RAB22A: variants seen among roughly 807,000 people sequenced by gnomAD.
RAB22A encodes ras-related protein Rab-22A.
In RAB22A, 13 loss-of-function variants were observed where a neutral mutation model predicts 30.2. The ratio of observed to expected loss-of-function variants is 0.43; its 90% CI spans 0.28 to 0.68. RAB22A has a LOEUF of 0.68. Ranked by LOEUF, RAB22A falls within the 30% of genes least tolerant of loss-of-function variation. RAB22A has a pLI of 0.18. For synonymous variants in RAB22A, 89 were observed against 87.2 expected (o/e 1.02, Z -0.11); for missense variants, 177 against 246.8 (o/e 0.72, Z 1.89).
chr20:58,331,723 T>C lies in RAB22A; in HGVS notation c.117-11995T>C, dbSNP rs138688466. Among the ~76,000 whole-genome samples the C allele has an allele frequency of 7.6e-4, 116 of 152,304 alleles. 1 individual carries two copies. The highest frequency in any genetic ancestry group is 2.6e-3 in the African/African-American group (110 of 41,558). ...GGTTCTCCTTTCTACCTCTTGGGGC[T>C]TCCTCCTTCTTGTGTTTCTTGGCTT... On this transcript the variant is annotated intron_variant, in intron 2 of 6. Transcript: ENST00000244040.
In RAB22A at chr20:58,327,135, C is replaced by CA. The variant is rs1039738124; in HGVS notation, c.116+16020dup. ...TAGTGAGACCCTGTCTCCAAAAAAA[C>CA]AAAAAAATTGAATAGGTCTTGAATT... On this transcript the variant is annotated intron_variant, in intron 2 of 6. Transcript: ENST00000244040. Among the ~76,000 whole-genome samples, 7 of 151,892 alleles carry CA rather than the reference C, an allele frequency of 4.6e-5. No individual in the cohort carries two copies. In the East Asian group the frequency reaches 5.8e-4, roughly 13 times the overall value.
At chr20:58,329,398 A>T (rs506435) in intron 2 of RAB22A, among the ~76,000 whole-genome samples, 18,976 of 152,088 alleles carry the variant, frequency 0.12, 1,531 homozygotes, top group Non-Finnish European at 0.18. Flanking sequence ...TAGATTTCAG[A>T]TGTTTTTTCT....
intron 2 of RAB22A, among the ~76,000 whole-genome samples, chr20:58,316,797 ATC>A (rs1986349011): frequency 1.3e-5 from 2 of 152,106 alleles, no homozygotes; most frequent in South Asian, 2.1e-4. Context: ...AGAGGCTTGG[ATC>A]TCTCCTCCTC....
At chr20:58,345,041 G>A (rs549972254) in intron 3 of RAB22A, among the ~76,000 whole-genome samples, 1 of 152,078 alleles carries the variant, frequency 6.6e-6, no homozygotes, top group Non-Finnish European at 1.5e-5. Flanking sequence ...GAAGTGTGTC[G>A]CTTACCAGAA....
In RAB22A at chr20:58,361,689, C is replaced by A. The variant is rs943518844; in HGVS notation, c.*1986C>A. 1.1e-4 allele frequency: 17 copies of A among 152,208 alleles called. No homozygotes were observed. The highest frequency in any genetic ancestry group is 3.9e-4 in the African/African-American group (16 of 41,438). The allele number at this position is 152,208 out of a possible 1,614,324, so 9.4% of individuals were successfully genotyped here. A position where few individuals can be genotyped will look rare whatever the true frequency, so the allele number is the denominator to read the frequency against. On this transcript the variant is annotated 3_prime_UTR_variant, in exon 7 of 7. Coordinates refer to ENST00000244040, the MANE Select transcript of RAB22A (RefSeq NM_020673.3). ...ATTCCCACTGCTGGGCCTCTATCTCCATGACAACAAAATAAAAACAGAGGT... is the reference window on the plus strand; with the variant it reads ...ATTCCCACTGCTGGGCCTCTATCTCAATGACAACAAAATAAAAACAGAGGT...
rs765167599 is a variant in RAB22A at position 58,360,213 on chromosome 20, T to G, written c.*510T>G. The G allele has an allele frequency of 1.3e-5, 2 of 152,514 alleles. No homozygotes were observed. Among genetic ancestry groups the G allele is most frequent in the African/African-American group, 2.4e-5 (1 of 41,382 alleles). 9.4% of individuals were successfully genotyped at this position (152,514 alleles called of 1,614,324 possible). Reference sequence around the variant, plus strand: ...AGCTAAAATGGGTTATTTATAGGACTGATGGAAATGATTTCATCTCTGCCA... The same window carrying G: ...AGCTAAAATGGGTTATTTATAGGACGGATGGAAATGATTTCATCTCTGCCA... On this transcript the variant is annotated 3_prime_UTR_variant, in exon 7 of 7. Coordinates refer to ENST00000244040, the MANE Select transcript of RAB22A (RefSeq NM_020673.3).
chr20:58,356,904 T>C (rs914841300), intron 6 of RAB22A, among the ~76,000 whole-genome samples: 6 of 152,190 alleles, frequency 3.9e-5, no homozygotes, highest in Non-Finnish European at 7.4e-5. Flanking sequence ...AATATAATTA[T>C]CCATTCTGCT....
At position 58,309,834 on chromosome 20, in the gene RAB22A, C is replaced by T. The variant is rs933524334; in HGVS notation, c.-143C>T. 5 of 762,980 alleles carry T rather than the reference C, an allele frequency of 6.6e-6. 1 individual carries two copies. Among genetic ancestry groups the T allele is most frequent in the Admixed American group, 4.5e-5 (1 of 22,412 alleles). 47.3% of individuals were successfully genotyped at this position (762,980 alleles called of 1,614,324 possible). On this transcript the variant is annotated 5_prime_UTR_variant, in exon 1 of 7. Transcript: ENST00000244040. The stretch of plus-strand genomic sequence containing the variant: ...GCAGCGGACAGGCCGGACCTACGGC[C>T]GGAGGACGGGCGGCAGCCGCCTCTG...
chr20:58,350,558 G>A (rs78255153), intron 3 of RAB22A, among the ~76,000 whole-genome samples: 7,849 of 152,202 alleles, frequency 0.052, 267 homozygotes, highest in South Asian at 0.11. Flanking sequence ...TAAAAGACAC[G>A]TAAACAGGAG....
chr20:58,353,718 T>C lies in RAB22A; in HGVS notation c.377+180T>C, dbSNP rs8123334. 6.7e-3 allele frequency among the ~76,000 whole-genome samples: 1,018 copies of C among 152,314 alleles called. 15 individuals carry two copies. The highest frequency in any genetic ancestry group is 0.023 in the African/African-American group (943 of 41,552). Reference sequence around the variant, plus strand: ...TAAGATTTCAGGCATTTGGAGCTAATTATATTATGTATACAGACAGGTGTG... The same window carrying C: ...TAAGATTTCAGGCATTTGGAGCTAACTATATTATGTATACAGACAGGTGTG... On this transcript the variant is annotated intron_variant, in intron 5 of 6. Coordinates refer to ENST00000244040, the MANE Select transcript of RAB22A (RefSeq NM_020673.3).
At chr20:58,357,033 T>C (rs1319568354) in intron 6 of RAB22A, among the ~76,000 whole-genome samples, 2 of 152,236 alleles carry the variant, frequency 1.3e-5, no homozygotes, top group African/African-American at 2.4e-5. Context: ...GGTATATTTA[T>C]ACCCACAAGA....
chr20:58,311,068 T>G lies in RAB22A; in HGVS notation c.62T>G (p.Ile21Ser). ...LGDTGVGKSS[I>S]VWRFVEDSFD... ...GATACAGGTGTAGGTAAATCGAGTA[T>G]TGTGTGGCGGTTTGTGGAAGACAGT... is the stretch of plus-strand genomic sequence containing the variant. The change falls in exon 2 of 7, where the codon ATT (isoleucine) becomes AGT (serine). Residue 21 changes from isoleucine (I) to serine (S), a missense_variant. By Grantham distance (142) the Ile-to-Ser change is moderately radical. Coordinates refer to ENST00000244040, the MANE Select transcript of RAB22A (RefSeq NM_020673.3). The G allele has an allele frequency of 1.2e-6, 2 of 1,606,864 alleles. No individual in the cohort carries two copies. The highest frequency in any genetic ancestry group is 1.7e-6 in the Non-Finnish European group (2 of 1,173,372).
intron 3 of RAB22A, among the ~76,000 whole-genome samples, chr20:58,349,768 T>C (rs554048168): frequency 6.6e-6 from 1 of 152,234 alleles, no homozygotes; most frequent in African/African-American, 2.4e-5. Context: ...CACCAGTAAC[T>C]TAATACTCTT....
intron 1 of RAB22A, 66 bp from the exon 2 acceptor site, chr20:58,310,976 CA>C (rs1986214203): frequency 7.7e-7 from 1 of 1,293,782 alleles, no homozygotes. Flanking sequence ...ACTTATGCCA[CA>C]AAGTAGTTTT....
At chr20:58,315,708 C>T (rs1210158515) in intron 2 of RAB22A, among the ~76,000 whole-genome samples, 1 of 152,026 alleles carries the variant, frequency 6.6e-6, no homozygotes, top group African/African-American at 2.4e-5. Context: ...ACCCCCAGCC[C>T]AATCCCCAAA....
intron 2 of RAB22A, among the ~76,000 whole-genome samples, chr20:58,323,801 CT>C (rs1288214244): frequency 1.3e-5 from 2 of 150,678 alleles, no homozygotes; most frequent in Non-Finnish European, 3.0e-5. Flanking sequence ...TTGCTGGGAT[CT>C]TTGATTTTTT....
chr20:58,338,083 A>G (rs1195889082), intron 2 of RAB22A, among the ~76,000 whole-genome samples: 2 of 151,442 alleles, frequency 1.3e-5, no homozygotes, highest in South Asian at 2.1e-4. Context: ...CTGGAGTGCT[A>G]TGGCGCAATC....
At chr20:58,313,638 C>A (rs1463165009) in intron 2 of RAB22A, among the ~76,000 whole-genome samples, 2 of 152,300 alleles carry the variant, frequency 1.3e-5, no homozygotes, top group East Asian at 3.9e-4. Context: ...AACCACCTTC[C>A]CCTGGTACCA....
Position 58,362,742 on chromosome 20 carries a change from G to C in RAB22A, c.*3039G>C, listed in dbSNP as rs1360368299. On this transcript the variant is annotated 3_prime_UTR_variant, in exon 7 of 7. Coordinates refer to ENST00000244040, the MANE Select transcript of RAB22A (RefSeq NM_020673.3). Reference sequence around the variant, plus strand: ...TCAGAATAAGTTTTACACGAAGCAGGTGAAAGATTTAGTTCTTTTCAAAGT... The same window carrying C: ...TCAGAATAAGTTTTACACGAAGCAGCTGAAAGATTTAGTTCTTTTCAAAGT... The C allele has an allele frequency of 1.3e-5, 2 of 152,336 alleles. No homozygotes were observed. Among genetic ancestry groups the C allele is most frequent in the Admixed American group, 6.5e-5 (1 of 15,306 alleles). The allele number at this position is 152,336 out of a possible 1,614,324, so 9.4% of individuals were successfully genotyped here. A position where few individuals can be genotyped will look rare whatever the true frequency, so the allele number is the denominator to read the frequency against.
Sources: gnomAD v4.1 joint callset for allele counts (sites outside exome capture counted in the v4.1 genomes callset) on GRCh38, gnomAD v4.1.1 for gene constraint, MANE v1.5 for transcripts, NCBI Gene and HGNC (gene_info 2026-07-23, HGNC 2026-07-21) for gene names.